SCYL3: variants seen among roughly 807,000 people sequenced by gnomAD.
SCYL3 encodes protein-associating with the carboxyl-terminal domain of ezrin.
Under a neutral mutation model 73.8 loss-of-function variants are expected in SCYL3, and 35 were observed. The observed-to-expected ratio is 0.47, with a 90% CI of 0.36 to 0.63. The LOEUF (loss-of-function observed/expected upper bound fraction) is 0.63, where lower values mean the gene tolerates loss of function less well. SCYL3 is among the 20% of genes least tolerant of loss of function. The pLI is 0.00. For missense variants in SCYL3, 712 were observed against 798.9 expected (o/e 0.89, Z 1.31); for synonymous variants, 277 against 295.2 (o/e 0.94, Z 0.63).
chr1:169,872,426 G>T (rs1660468964), intron 5 of SCYL3, among the ~76,000 whole-genome samples: 1 of 152,232 alleles, frequency 6.6e-6, no homozygotes, highest in African/African-American at 2.4e-5. Flanking sequence ...GGCAGAATTT[G>T]CTGCATGGGC....
chr1:169,865,584 T>A (rs891281574), intron 8 of SCYL3, among the ~76,000 whole-genome samples: 3 of 152,162 alleles, frequency 2.0e-5, no homozygotes, highest in African/African-American at 7.2e-5. Flanking sequence ...ATTAATATGC[T>A]CAGGTCTCTT....
chr1:169,893,737 C>T (rs1233377349), intron 1 of SCYL3, 51 bp downstream of exon 1: 2 of 151,908 alleles, frequency 1.3e-5, no homozygotes, highest in Non-Finnish European at 2.9e-5. Context: ...CCCCTTCCCC[C>T]ACGGCGCAGT....
At position 169,852,628 on chromosome 1, in the gene SCYL3, A is replaced by ATATT. The variant is rs1658532638; in HGVS notation, c.*1081_*1084dup. On this transcript the variant is annotated 3_prime_UTR_variant, in exon 13 of 13. Transcript: ENST00000367771. ...CTATGATAAACCAAAATGCCTTTAC[A>ATATT]TATTTTTCTAGATGACTGTGTAGGG... The ATATT allele has an allele frequency of 3.0e-6, 2 of 677,104 alleles. No homozygotes were observed. The highest frequency in any genetic ancestry group is 4.9e-6 in the Non-Finnish European group (2 of 404,884). 41.9% of individuals were successfully genotyped at this position (677,104 alleles called of 1,614,324 possible).
Position 169,854,299 on chromosome 1 carries a change from A to C in SCYL3, c.1978T>G (p.Ser660Ala), listed in dbSNP as rs1175271968. ...GTAATTTCTGCTGCAGCAAATTTTG[A>C]GGAAAACTGCATCACTGGGGAGACA... ...DDVSPVMQFS[S>A]KFAAAEITEG... Residue 660 changes from serine (S) to alanine (A), a missense_variant, in exon 12 of 13, where the codon TCA (serine) becomes GCA (alanine). Transcript: ENST00000367771. 6.2e-7 allele frequency: 1 copy of C among 1,607,028 alleles called. No individual in the cohort carries two copies. Among genetic ancestry groups the C allele is most frequent in the East Asian group, 2.2e-5 (1 of 44,852 alleles).
intron 2 of SCYL3, among the ~76,000 whole-genome samples, chr1:169,880,230 A>G (rs563673237): frequency 8.5e-5 from 13 of 152,346 alleles, no homozygotes; most frequent in Non-Finnish European, 1.5e-4. Flanking sequence ...CATAAAAAAT[A>G]CAATGGATGA....
In SCYL3 at chr1:169,859,173, C is replaced by G; in HGVS notation, c.1180G>C (p.Ala394Pro). ...ACTGCTAGGCTATGCAGAGTAATTG[C>G]CACAATGGAATCGCTAGTATCACGC... ...GLRDTSDSIV[A>P]ITLHSLAVLV... Residue 394 changes from alanine to proline, a missense_variant, in exon 11 of 13, where the codon GCA becomes CCA. Coordinates refer to ENST00000367771, the MANE Select transcript of SCYL3 (RefSeq NM_020423.7). 1 of 1,613,494 alleles carries G rather than the reference C, an allele frequency of 6.2e-7. No homozygotes were observed. Among genetic ancestry groups the G allele is most frequent in the South Asian group, 1.1e-5 (1 of 90,974 alleles).
At chr1:169,867,709 A>C (rs865971861) in intron 7 of SCYL3, among the ~76,000 whole-genome samples, 4 of 152,268 alleles carry the variant, frequency 2.6e-5, no homozygotes, top group African/African-American at 2.4e-5. Context: ...AAATTGGTTC[A>C]GCTGCCTCTG....
At chr1:169,887,262 G>A (rs750765801) in intron 2 of SCYL3, among the ~76,000 whole-genome samples, 4 of 152,104 alleles carry the variant, frequency 2.6e-5, no homozygotes, top group South Asian at 2.1e-4. Flanking sequence ...ATATTAAGGG[G>A]GAATAAGTCT....
intron 2 of SCYL3, among the ~76,000 whole-genome samples, chr1:169,887,213 G>A (rs1661743865): frequency 6.6e-6 from 1 of 152,150 alleles, no homozygotes; most frequent in South Asian, 2.1e-4. Context: ...GATGAACTAT[G>A]TGCAAAGACT....
Position 169,850,307 on chromosome 1 carries a change from G to A in SCYL3, c.*3406C>T, listed in dbSNP as rs1657957962. On this transcript the variant is annotated 3_prime_UTR_variant, in exon 13 of 13. Coordinates refer to ENST00000367771, the MANE Select transcript of SCYL3 (RefSeq NM_020423.7). ...GATAGTTCCACAGTGTCTCAGTTCT[G>A]AAGAAACTAAGAACAAAGTTGTATC... 2.5e-6 allele frequency: 4 copies of A among 1,612,392 alleles called. No individual in the cohort carries two copies. The South Asian group carries it at 3.3e-5, about 13-fold the overall frequency.
At chr1:169,854,069 T>G in intron 12 of SCYL3, 1 of 583,850 alleles carries the variant, frequency 1.7e-6, no homozygotes, top group Non-Finnish European at 2.9e-6. Context: ...TTACAATAGC[T>G]CATTAAACAA....
intron 9 of SCYL3, among the ~76,000 whole-genome samples, chr1:169,863,837 T>TCTA (rs1335870527): frequency 6.6e-6 from 1 of 152,216 alleles, no homozygotes; most frequent in African/African-American, 2.4e-5. Flanking sequence ...AAAGCAGGAT[T>TCTA]CTACGTAACT....
At position 169,864,356 on chromosome 1, in the gene SCYL3, A is replaced by C. The variant is rs754304394; in HGVS notation, c.955+13T>G. ...CTTCTTAACTAGCAATAACACTTTG[A>C]AAAAGCATTCACCTTTTTTGGGGCC... is the stretch of plus-strand genomic sequence containing the variant. On this transcript the variant is annotated intron_variant, in intron 9 of 12. Coordinates refer to ENST00000367771, the MANE Select transcript of SCYL3 (RefSeq NM_020423.7). 1 of 1,614,162 alleles carries C rather than the reference A, an allele frequency of 6.2e-7. No homozygotes were observed. The highest frequency in any genetic ancestry group is 1.1e-5 in the South Asian group (1 of 91,084).
chr1:169,865,656 T>C (rs190874409), intron 8 of SCYL3, among the ~76,000 whole-genome samples: 31 of 152,304 alleles, frequency 2.0e-4, no homozygotes, highest in Admixed American at 1.2e-3. Flanking sequence ...TCTCTCCAAG[T>C]TTTTCTCCAG....
chr1:169,876,958 TAAAAAAAAAAAAAAAAA>T (rs61051062), intron 3 of SCYL3, among the ~76,000 whole-genome samples: 2 of 76,394 alleles, frequency 2.6e-5, no homozygotes, highest in African/African-American at 5.3e-5. Context: ...TTGTCTCAAA[TAAAAAAAAAAAAAAAAA>T]AAAAAAAAAA....
In SCYL3 at chr1:169,859,189, A is replaced by T; in HGVS notation, c.1164T>A (p.Thr388=). ...LPQVLLGLRD[T]SDSIVAITLH... is the part of the protein sequence containing the mutation. ...GAGTAATTGCCACAATGGAATCGCT[A>T]GTATCACGCAGGCCCAGCAAAACCT... The change falls in exon 11 of 13, where the codon ACT becomes ACA. Residue 388 remains threonine (T), a synonymous_variant. Transcript: ENST00000367771. The T allele has an allele frequency of 1.2e-6, 2 of 1,612,500 alleles. No homozygotes were observed. Among genetic ancestry groups the T allele is most frequent in the Non-Finnish European group, 1.7e-6 (2 of 1,179,398 alleles).
Position 169,859,053 on chromosome 1 carries a change from G to A in SCYL3, c.1300C>T (p.Leu434Phe). 6 of 1,612,942 alleles carry A rather than the reference G, an allele frequency of 3.7e-6. No homozygotes were observed. Among genetic ancestry groups the A allele is most frequent in the Non-Finnish European group, 5.1e-6 (6 of 1,179,706 alleles). ...TAATAATTCTTACCTTCTAGAGAAA[G>A]GTCAGTATTTTTAGTAAAACTTGGG... ...TAPSFTKNTD[L>F]SLEGDPFSQP... is the part of the protein sequence containing the mutation. Residue 434 changes from leucine to phenylalanine, a missense_variant, in exon 11 of 13, where the codon CTT becomes TTT. Leu to Phe is a conservative substitution (Grantham distance 22). Around this residue, in one of 2 missense-constraint regions of SCYL3, gnomAD observed 370 missense variants for 350.8 expected, o/e 1.05. Coordinates refer to ENST00000367771, the MANE Select transcript of SCYL3 (RefSeq NM_020423.7).
intron 2 of SCYL3, among the ~76,000 whole-genome samples, chr1:169,879,452 A>T (rs1437124066): frequency 6.6e-6 from 1 of 152,242 alleles, no homozygotes; most frequent in Non-Finnish European, 1.5e-5. Flanking sequence ...TCCACTGGAT[A>T]GACCCAAACC....
chr1:169,861,006 A>G (rs1243598004), intron 10 of SCYL3, among the ~76,000 whole-genome samples: 1 of 152,248 alleles, frequency 6.6e-6, no homozygotes, highest in Non-Finnish European at 1.5e-5. Flanking sequence ...CTTTGACCTC[A>G]GTCCAATTCT....
Sources: allele counts gnomAD v4.1 joint callset (sites outside exome capture counted in the v4.1 genomes callset), GRCh38; gene constraint gnomAD v4.1.1; regional missense constraint gnomAD v4.1.1; transcripts MANE v1.5; gene names NCBI Gene and HGNC (gene_info 2026-07-23, HGNC 2026-07-21).